The following PCSK6 variants were observed in gnomAD, a reference collection of about 807,000 sequenced individuals.
The protein encoded by PCSK6 is proprotein convertase subtilisin/kexin type 6.
PCSK6 carries 85 observed loss-of-function variants against 123.3 expected under a neutral mutation model. The ratio of observed to expected loss-of-function variants is 0.69; its 90% confidence interval spans 0.58 to 0.83. The LOEUF (loss-of-function observed/expected upper bound fraction) is 0.83, where lower values mean the gene tolerates loss of function less well. Ranked by LOEUF, PCSK6 falls within the 40% of genes least tolerant of loss-of-function variation. The pLI is 0.00. For missense variants in PCSK6, 1,191 were observed against 1,282.3 expected (o/e 0.93, Z 1.09); for synonymous variants, 508 against 516.0 (o/e 0.98, Z 0.21).
At chr15:101,422,901 G>A (rs1166085740) in intron 6 of PCSK6, among the ~76,000 whole-genome samples, 2 of 152,142 alleles carry the variant, frequency 1.3e-5, no homozygotes, top group African/African-American at 4.8e-5. Context: ...GATTACAGGC[G>A]TGAGCCACCG....
intron 13 of PCSK6, among the ~76,000 whole-genome samples, chr15:101,356,238 G>A (rs1415435927): frequency 6.6e-6 from 1 of 152,154 alleles, no homozygotes; most frequent in Non-Finnish European, 1.5e-5. Flanking sequence ...AGCCTTGCAG[G>A]CTCTGTGCGT....
At position 101,342,342 on chromosome 15, in the gene PCSK6, T is replaced by C. The variant is rs191381044; in HGVS notation, c.1859-10311A>G. Among the ~76,000 whole-genome samples, 31 of 152,134 alleles carry C rather than the reference T, an allele frequency of 2.0e-4. No individual in the cohort carries two copies. In the East Asian group the frequency reaches 5.2e-3, roughly 26 times the overall value. ...AATATTAATTCTAAGTAAAGTGTAA[T>C]AAATTAAGGATGCATATTGTAATCC... On this transcript the variant is annotated intron_variant, in intron 13 of 21. Transcript: ENST00000611716.
At chr15:101,319,950 A>G (rs1400368138) in intron 18 of PCSK6, among the ~76,000 whole-genome samples, 2 of 152,138 alleles carry the variant, frequency 1.3e-5, no homozygotes, top group African/African-American at 4.8e-5. Flanking sequence ...AGTCCGATTT[A>G]TGGCTGGTCA....
intron 6 of PCSK6, among the ~76,000 whole-genome samples, chr15:101,418,210 T>C (rs1281368102): frequency 6.6e-6 from 1 of 152,202 alleles, no homozygotes; most frequent in Non-Finnish European, 1.5e-5. Context: ...AAAGTCACCA[T>C]ATCCAATCAG....
At position 101,355,787 on chromosome 15, in the gene PCSK6, C is replaced by T. The variant is rs183624625; in HGVS notation, c.1858+10409G>A. On this transcript the variant is annotated intron_variant, in intron 13 of 21. Transcript: ENST00000611716. ...CCTTCCTGCACCTGAGGGTGCCGAG[C>T]GGGATGTGGCCCTGGGTGGGGAGGC... is the stretch of plus-strand genomic sequence containing the variant. Among the ~76,000 whole-genome samples the T allele has an allele frequency of 2.3e-3, 346 of 152,334 alleles. 1 individual carries two copies. Among genetic ancestry groups the T allele is most frequent in the African/African-American group, 8.0e-3 (332 of 41,582 alleles).
intron 1 of PCSK6, among the ~76,000 whole-genome samples, chr15:101,455,292 G>A (rs1034818252): frequency 2.6e-5 from 4 of 152,200 alleles, no homozygotes; most frequent in Non-Finnish European, 4.4e-5. Context: ...AGGCATAGCC[G>A]ACCCCAAGGC....
chr15:101,422,094 T>C (rs1407679115), intron 6 of PCSK6, among the ~76,000 whole-genome samples: 1 of 152,208 alleles, frequency 6.6e-6, no homozygotes, highest in Non-Finnish European at 1.5e-5. Context: ...ACTTTTCCTC[T>C]TGAGGGAACT....
intron 2 of PCSK6, among the ~76,000 whole-genome samples, chr15:101,433,800 G>A (rs1304280474): frequency 3.9e-5 from 6 of 152,214 alleles, no homozygotes; most frequent in Non-Finnish European, 7.4e-5. Context: ...CAAGGAGAGC[G>A]GAGCACCTGC....
chr15:101,327,210 C>A (rs915684250), intron 15 of PCSK6, among the ~76,000 whole-genome samples: 17 of 152,200 alleles, frequency 1.1e-4, no homozygotes, highest in African/African-American at 3.6e-4. Context: ...TCCCAGGGGT[C>A]CCCAGCTTCT....
chr15:101,412,691 T>TTTTATATATATATATATATATATATATA (rs772007096), intron 6 of PCSK6, among the ~76,000 whole-genome samples: 2 of 124,744 alleles, frequency 1.6e-5, no homozygotes, highest in African/African-American at 6.9e-5. Context: ...AACTGGAAAA[T>TTTTATATATATATATATATATATATATA]TATATATATA....
rs1332339177 is a variant in PCSK6, at chr15:101,469,268, G to T, written c.297+20106C>A. Among the ~76,000 whole-genome samples, 4 of 152,242 alleles carry T rather than the reference G, an allele frequency of 2.6e-5. No homozygotes were observed. In the East Asian group the frequency reaches 5.8e-4, roughly 22 times the overall value. ...GTGATGCCCAGAGCAAGAAAAGCTGGGGGAGAGGATAATAATCCAGCCTCT... is the reference window on the plus strand; with the variant it reads ...GTGATGCCCAGAGCAAGAAAAGCTGTGGGAGAGGATAATAATCCAGCCTCT... On this transcript the variant is annotated intron_variant, in intron 1 of 21. Transcript: ENST00000611716.
chr15:101,440,343 C>T (rs2056722499), intron 2 of PCSK6, among the ~76,000 whole-genome samples: 1 of 152,210 alleles, frequency 6.6e-6, no homozygotes, highest in Admixed American at 6.5e-5. Context: ...AATGACTGTA[C>T]CATTCCGGTA....
At chr15:101,362,294 C>G (rs1407313623) in intron 13 of PCSK6, among the ~76,000 whole-genome samples, 7 of 152,160 alleles carry the variant, frequency 4.6e-5, no homozygotes. Flanking sequence ...AAGAAAGAGG[C>G]AGTTTGGGAG....
chr15:101,326,619 A>G, intron 15 of PCSK6, 140 bp from the exon 16 acceptor site: 2 of 762,004 alleles, frequency 2.6e-6, no homozygotes, highest in Non-Finnish European at 4.3e-6. Flanking sequence ...GGACGGCCAG[A>G]CGACAAGGCG....
intron 20 of PCSK6, chr15:101,312,987 AGAGT>A (rs2039901697): frequency 8.8e-7 from 1 of 1,142,324 alleles, no homozygotes; most frequent in African/African-American, 1.6e-5. Flanking sequence ...CCTGGGCGAC[AGAGT>A]GAGAGTGTGT....
chr15:101,440,960 T>C (rs916799276), intron 2 of PCSK6, among the ~76,000 whole-genome samples: 3 of 152,180 alleles, frequency 2.0e-5, no homozygotes, highest in Non-Finnish European at 2.9e-5. Context: ...CAGATGTCTG[T>C]GTGCTTTCCC....
intron 13 of PCSK6, chr15:101,347,627 G>T: frequency 6.4e-7 from 1 of 1,557,484 alleles, no homozygotes; most frequent in South Asian, 1.2e-5. Flanking sequence ...CTCTGGGGGC[G>T]GGAGCTGAGA....
chr15:101,349,615 C>T (rs2040839713), intron 13 of PCSK6, among the ~76,000 whole-genome samples: 1 of 152,138 alleles, frequency 6.6e-6, no homozygotes, highest in Admixed American at 6.5e-5. Context: ...GGAGAGGAGC[C>T]TGGGCTTCTG....
At chr15:101,428,547 C>T (rs931997614) in intron 5 of PCSK6, among the ~76,000 whole-genome samples, 1 of 152,230 alleles carries the variant, frequency 6.6e-6, no homozygotes, top group South Asian at 2.1e-4. Context: ...CTAAATTAAA[C>T]ACTCAGCAGC....
Sources: gnomAD v4.1 joint callset for allele counts (sites outside exome capture counted in the v4.1 genomes callset) on GRCh38, gnomAD v4.1.1 for gene constraint, MANE v1.5 for transcripts, NCBI Gene and HGNC (gene_info 2026-07-23, HGNC 2026-07-21) for gene names.